The following EHBP1 variants were observed in gnomAD, a reference collection of about 807,000 sequenced individuals.
The protein encoded by EHBP1 is EH domain binding protein 1, also known as EH domain-binding protein 1.
Under a neutral mutation model 144.0 loss-of-function variants are expected in EHBP1, and 55 were observed. The observed-to-expected ratio is 0.38, with a 90% confidence interval of 0.31 to 0.48. The LOEUF is 0.48. Ranked by LOEUF, EHBP1 falls within the 20% of genes least tolerant of loss-of-function variation. EHBP1 has a pLI of 0.98. For synonymous variants in EHBP1, 469 were observed against 472.7 expected (o/e 0.99, Z 0.10); for missense variants, 1,200 against 1,364.2 (o/e 0.88, Z 1.90).
At chr2:62,940,930 C>T (rs1488495364) in intron 10 of EHBP1, among the ~76,000 whole-genome samples, 1 of 151,978 alleles carries the variant, frequency 6.6e-6, no homozygotes, top group Non-Finnish European at 1.5e-5. Context: ...TACAGAAAGC[C>T]ATCTAGATCA....
intron 19 of EHBP1, among the ~76,000 whole-genome samples, chr2:62,998,810 G>A (rs1053846396): frequency 6.6e-6 from 1 of 152,126 alleles, no homozygotes; most frequent in Non-Finnish European, 1.5e-5. Context: ...TGCTACTGCA[G>A]ATTTAGACCA....
intron 3 of EHBP1, among the ~76,000 whole-genome samples, chr2:62,751,893 G>GC (rs1268582377): frequency 6.6e-6 from 1 of 151,694 alleles, no homozygotes; most frequent in African/African-American, 2.4e-5. Flanking sequence ...TATTAGTCTT[G>GC]CTAGCGGTCT....
chr2:62,854,289 T>G (rs1351136620), intron 7 of EHBP1, among the ~76,000 whole-genome samples: 1 of 152,250 alleles, frequency 6.6e-6, no homozygotes, highest in Non-Finnish European at 1.5e-5. Context: ...CTTTATGCAT[T>G]TTTTAAAAGT....
intron 19 of EHBP1, among the ~76,000 whole-genome samples, chr2:63,006,101 G>T (rs184170072): frequency 1.3e-5 from 2 of 151,886 alleles, no homozygotes; most frequent in African/African-American, 4.8e-5. Flanking sequence ...ACACTTTTGC[G>T]TATCTTTCCA....
intron 7 of EHBP1, among the ~76,000 whole-genome samples, chr2:62,841,502 AAAAAAT>A (rs2047864229): frequency 6.6e-6 from 1 of 152,212 alleles, no homozygotes; most frequent in South Asian, 2.1e-4. Flanking sequence ...ATAAAAATAA[AAAAAAT>A]AAAGCAAAAT....
intron 8 of EHBP1, 151 bp from the exon 9 acceptor site, chr2:62,864,579 TA>T: frequency 1.4e-6 from 1 of 722,242 alleles, no homozygotes; most frequent in Non-Finnish European, 2.2e-6. Context: ...TTAGCCCCTC[TA>T]AAATATATTA....
intron 21 of EHBP1, among the ~76,000 whole-genome samples, chr2:63,040,126 G>A (rs1371544837): frequency 6.6e-6 from 1 of 150,502 alleles, no homozygotes; most frequent in Non-Finnish European, 1.5e-5. Context: ...AGTAGACACA[G>A]CAAATACTAT....
At chr2:62,673,923 G>A in exon 1 of EHBP1, 1 of 419,294 alleles carries the variant, frequency 2.4e-6, no homozygotes, top group South Asian at 1.8e-5. Context: ...GCGAGAGACT[G>A]GGGATTTGGA....
intron 2 of EHBP1, 80 bp downstream of exon 2, chr2:62,707,375 A>G: frequency 1.9e-6 from 2 of 1,041,512 alleles, no homozygotes; most frequent in South Asian, 1.3e-5. Flanking sequence ...TTCTGATAGT[A>G]TATTTACCTT....
At position 62,948,782 on chromosome 2, in the gene EHBP1, C is replaced by A. The variant is rs2057214270; in HGVS notation, c.1936C>A (p.Gln646Lys). The A allele has an allele frequency of 6.2e-7, 1 of 1,614,098 alleles. No individual in the cohort carries two copies. The highest frequency in any genetic ancestry group is 2.2e-5 in the East Asian group (1 of 44,856). ...TTCCAATACAGATTCAACCCAAGCA[C>A]AGGTTTTGTTAGGCAAAAAGAGACT... ...ICSNTDSTQA[Q>K]VLLGKKRLLK... The change falls in exon 13 of 23, where the codon CAG becomes AAG. Residue 646 changes from glutamine (Q) to lysine (K), a missense_variant. Coordinates refer to ENST00000431489, the MANE Select transcript of EHBP1 (RefSeq NM_001142616.3).
intron 5 of EHBP1, among the ~76,000 whole-genome samples, chr2:62,803,807 T>A (rs2044231004): frequency 6.6e-6 from 1 of 152,238 alleles, no homozygotes; most frequent in Non-Finnish European, 1.5e-5. Flanking sequence ...TTGTGTCTTT[T>A]ATGCGGTACA....
intron 19 of EHBP1, among the ~76,000 whole-genome samples, chr2:62,997,328 C>T (rs996772953): frequency 6.6e-6 from 1 of 151,678 alleles, no homozygotes. Context: ...GTTAGAGCAC[C>T]AAGTTAGCTC....
chr2:63,038,563 T>C (rs964538206), intron 20 of EHBP1, among the ~76,000 whole-genome samples, 180 bp from the exon 21 acceptor site: 6 of 152,158 alleles, frequency 3.9e-5, no homozygotes, highest in Admixed American at 2.0e-4. Flanking sequence ...AGGAAAATAA[T>C]AGCACTAGTA....
intron 5 of EHBP1, among the ~76,000 whole-genome samples, chr2:62,797,595 C>T (rs572980268): frequency 6.6e-6 from 1 of 152,288 alleles, no homozygotes; most frequent in East Asian, 1.9e-4. Flanking sequence ...TTGTACACTT[C>T]AACACAACCT....
chr2:62,985,081 C>T (rs1278145032), intron 15 of EHBP1, among the ~76,000 whole-genome samples: 2 of 152,104 alleles, frequency 1.3e-5, no homozygotes, highest in Non-Finnish European at 2.9e-5. Flanking sequence ...AGTTGATTTC[C>T]AAGTTACATC....
At chr2:62,797,527 A>G (rs1404811574) in intron 5 of EHBP1, among the ~76,000 whole-genome samples, 1 of 152,232 alleles carries the variant, frequency 6.6e-6, no homozygotes. Context: ...TGTGTTAATG[A>G]ATAAATAAAA....
chr2:62,730,420 T>C (rs926021431), intron 2 of EHBP1, among the ~76,000 whole-genome samples: 2 of 152,182 alleles, frequency 1.3e-5, no homozygotes, highest in African/African-American at 4.8e-5. Context: ...ACTTTTTAGA[T>C]TGGCTTCTTT....
At chr2:62,753,071 T>G (rs1414272323) in intron 3 of EHBP1, among the ~76,000 whole-genome samples, 1 of 152,224 alleles carries the variant, frequency 6.6e-6, no homozygotes, top group African/African-American at 2.4e-5. Flanking sequence ...TTTTGCTCGT[T>G]AGTTGATGCA....
In EHBP1 at chr2:63,003,217, A is replaced by C. The variant is rs143880343; in HGVS notation, c.3103+6451A>C. On this transcript the variant is annotated intron_variant, in intron 19 of 22. Transcript: ENST00000431489. ...GTATTAATTAAATAACAAAAACTCT[A>C]TTGACCACCAATGGTAAACGTAATT... Among the ~76,000 whole-genome samples, 72 of 152,182 alleles carry C rather than the reference A, an allele frequency of 4.7e-4. No homozygotes were observed. The Middle Eastern group carries it at 0.01, about 22-fold the overall frequency.
Sources: gnomAD v4.1 joint callset for allele counts (sites outside exome capture counted in the v4.1 genomes callset) on GRCh38, gnomAD v4.1.1 for gene constraint, MANE v1.5 for transcripts, NCBI Gene and HGNC (gene_info 2026-07-23, HGNC 2026-07-21) for gene names.